The following ERC2 variants were observed in gnomAD, a reference collection of about 807,000 sequenced individuals.
ERC2 encodes the protein ELKS/RAB6-interacting/CAST family member 2, also known as ERC protein 2.
A neutral mutation model predicts 114.8 loss-of-function variants in ERC2; 42 were observed. That is an observed-to-expected ratio of 0.37 (90% CI 0.29 to 0.47). ERC2 has a LOEUF of 0.47. ERC2 is among the 20% of genes least tolerant of loss of function. The probability of loss-of-function intolerance (pLI) is 0.99; values close to 1 mark genes in which losing one functional copy is unlikely to be tolerated. For synonymous variants in ERC2, 454 were observed against 425.5 expected (o/e 1.07, Z -0.82); for missense variants, 939 against 1,150.7 (o/e 0.82, Z 2.66).
At chr3:55,600,916 T>C (rs2058371598) in intron 17 of ERC2, among the ~76,000 whole-genome samples, 1 of 152,242 alleles carries the variant, frequency 6.6e-6, no homozygotes, top group South Asian at 2.1e-4. Flanking sequence ...GGCCCTGCCA[T>C]GTGGCATCTG....
intron 10 of ERC2, among the ~76,000 whole-genome samples, chr3:56,004,881 G>C (rs1429179182): frequency 6.6e-6 from 1 of 151,936 alleles, no homozygotes; most frequent in African/African-American, 2.4e-5. Flanking sequence ...TTTTATAGCT[G>C]CTTATTTTTC....
At chr3:56,252,599 G>A (rs4974188) in intron 3 of ERC2, among the ~76,000 whole-genome samples, 69,514 of 151,368 alleles carry the variant, frequency 0.46, 16,185 homozygotes, top group Middle Eastern at 0.49. Flanking sequence ...TACTAAAAAT[G>A]CAAAACAATT....
chr3:56,352,617 C>G (rs989186762), intron 2 of ERC2, among the ~76,000 whole-genome samples: 3 of 152,154 alleles, frequency 2.0e-5, no homozygotes, highest in Admixed American at 6.5e-5. Flanking sequence ...GCAGTTAAAA[C>G]AACACACAAA....
At chr3:56,239,374 C>T (rs2051173927) in intron 3 of ERC2, among the ~76,000 whole-genome samples, 1 of 152,150 alleles carries the variant, frequency 6.6e-6, no homozygotes, top group Non-Finnish European at 1.5e-5. Flanking sequence ...GGCATGGTGG[C>T]ATGCGCCTGT....
intron 1 of ERC2, among the ~76,000 whole-genome samples, chr3:56,450,746 G>A (rs2062791125): frequency 6.6e-6 from 1 of 152,078 alleles, no homozygotes; most frequent in South Asian, 2.1e-4. Flanking sequence ...CAGGAGAGTA[G>A]CTTGAGTCCA....
chr3:55,658,280 C>T (rs1249807919), intron 17 of ERC2: 1 of 152,156 alleles, frequency 6.6e-6, no homozygotes, highest in East Asian at 1.9e-4. Context: ...TCCCGGTACC[C>T]CAAATTTCAT....
chr3:56,347,570 G>A lies in ERC2; in HGVS notation c.658-51135C>T, dbSNP rs548383553. ...CAGTTTGCAGTTCTTTCTGGAACCA[G>A]CCTCATTGTGTTGCCTTAAAGACCC... is the stretch of plus-strand genomic sequence containing the variant. On this transcript the variant is annotated intron_variant, in intron 2 of 17. Transcript: ENST00000288221. Among the ~76,000 whole-genome samples the A allele has an allele frequency of 3.3e-5, 5 of 151,952 alleles. No homozygotes were observed. In the East Asian group the frequency reaches 9.7e-4, roughly 29 times the overall value.
chr3:56,022,423 C>A (rs73089182), intron 7 of ERC2, among the ~76,000 whole-genome samples: 27,900 of 151,996 alleles, frequency 0.18, 2,821 homozygotes, highest in African/African-American at 0.26. Context: ...ATTTAAGTGA[C>A]TTTTGAACAA....
rs951067057 is a variant in ERC2, at chr3:55,669,546, T to C, written c.*39+14248A>G. 8.5e-5 allele frequency among the ~76,000 whole-genome samples: 13 copies of C among 152,242 alleles called. 1 individual carries two copies. Among genetic ancestry groups the C allele is most frequent in the Admixed American group, 8.5e-4 (13 of 15,286 alleles). On this transcript the variant is annotated intron_variant, in intron 17 of 17. Coordinates refer to ENST00000288221, the MANE Select transcript of ERC2 (RefSeq NM_015576.3). ...TAATTTCACTTGGTTGTGGCCTCTG[T>C]TGAAGTTTCCCCTACTTCAAAACAT... is the stretch of plus-strand genomic sequence containing the variant.
chr3:56,163,199 T>C (rs1019712343), intron 4 of ERC2, among the ~76,000 whole-genome samples: 51 of 152,184 alleles, frequency 3.4e-4, no homozygotes, highest in African/African-American at 1.2e-3. Flanking sequence ...TGGTATTGAT[T>C]TCTATTTTTA....
chr3:55,678,933 C>T (rs2061933307), intron 17 of ERC2, among the ~76,000 whole-genome samples: 1 of 152,218 alleles, frequency 6.6e-6, no homozygotes, highest in Non-Finnish European at 1.5e-5. Flanking sequence ...GTCTGCATCT[C>T]CACTACTGCT....
At chr3:55,687,055 G>C (rs2062371666) in intron 16 of ERC2, among the ~76,000 whole-genome samples, 1 of 152,160 alleles carries the variant, frequency 6.6e-6, no homozygotes, top group Non-Finnish European at 1.5e-5. Context: ...AGACAAGGGG[G>C]TCTTGATGGA....
intron 4 of ERC2, among the ~76,000 whole-genome samples, chr3:56,169,819 A>C (rs13061756): frequency 0.51 from 69,985 of 137,286 alleles, 16,531 homozygotes; most frequent in East Asian, 0.7. Context: ...AAAAAAAAAA[A>C]AAAACAAATG....
chr3:55,995,473 C>T (rs1350595594), intron 10 of ERC2, among the ~76,000 whole-genome samples: 1 of 152,078 alleles, frequency 6.6e-6, no homozygotes, highest in African/African-American at 2.4e-5. Context: ...AATCTTGGTG[C>T]CAGAATTGTT....
intron 7 of ERC2, among the ~76,000 whole-genome samples, chr3:56,038,222 A>T (rs540829851): frequency 2.8e-4 from 42 of 152,352 alleles, no homozygotes; most frequent in African/African-American, 1.0e-3. Context: ...CAAGGAACTT[A>T]AACAAATTTA....
At chr3:56,070,245 G>A (rs1476802342) in intron 7 of ERC2, among the ~76,000 whole-genome samples, 2 of 152,168 alleles carry the variant, frequency 1.3e-5, no homozygotes, top group Admixed American at 1.3e-4. Flanking sequence ...TGGCCTGGGA[G>A]TATGTAGGGA....
At chr3:56,282,747 T>C (rs1375670643) in intron 3 of ERC2, among the ~76,000 whole-genome samples, 1 of 152,078 alleles carries the variant, frequency 6.6e-6, no homozygotes, top group Non-Finnish European at 1.5e-5. Context: ...CAAGATGAGA[T>C]TCCATGACCT....
intron 17 of ERC2, chr3:55,608,006 A>G (rs1196925254): frequency 6.6e-6 from 1 of 152,150 alleles, no homozygotes; most frequent in Non-Finnish European, 1.5e-5. Flanking sequence ...AAAACAAAAC[A>G]AAAAACCCCC....
At chr3:56,461,172 A>C (rs1329322584) in intron 1 of ERC2, among the ~76,000 whole-genome samples, 1 of 152,154 alleles carries the variant, frequency 6.6e-6, no homozygotes, top group Admixed American at 6.5e-5. Flanking sequence ...TTTCCTAACT[A>C]CAAAGTAAGG....
Sources: allele counts gnomAD v4.1 joint callset (sites outside exome capture counted in the v4.1 genomes callset), GRCh38; gene constraint gnomAD v4.1.1; transcripts MANE v1.5; gene names NCBI Gene and HGNC (gene_info 2026-07-23, HGNC 2026-07-21).